AKR1D1: variants seen among roughly 807,000 people sequenced by gnomAD.
The protein encoded by AKR1D1 is delta(4)-3-ketosteroid 5-beta-reductase.
Under a neutral mutation model 42.6 loss-of-function variants are expected in AKR1D1, and 32 were observed. The ratio of observed to expected loss-of-function variants is 0.75; its 90% CI spans 0.57 to 1.01. The LOEUF (loss-of-function observed/expected upper bound fraction) is 1.01. Among genes scored for constraint, AKR1D1 ranks in the 50% least tolerant of loss-of-function variants. AKR1D1 has a pLI of 0.00. For synonymous variants in AKR1D1, 123 were observed against 135.5 expected, an observed-to-expected ratio of 0.91 and a Z score of 0.64; for missense variants, 364 against 402.2, an observed-to-expected ratio of 0.91 and a Z score of 0.81.
intron 4 of AKR1D1, among the ~76,000 whole-genome samples, chr7:138,104,499 A>G (rs369931513): frequency 7.9e-5 from 12 of 152,168 alleles, no homozygotes; most frequent in East Asian, 3.9e-4. Context: ...GGAGTTCGAG[A>G]CCAGCCTAAC....
intron 4 of AKR1D1, among the ~76,000 whole-genome samples, chr7:138,103,330 A>G (rs994180667): frequency 2.4e-4 from 36 of 152,240 alleles, no homozygotes; most frequent in African/African-American, 8.2e-4. Context: ...AAATGAACCC[A>G]TAATACGCTA....
chr7:138,094,085 G>A (rs1421977210), intron 3 of AKR1D1, among the ~76,000 whole-genome samples: 1 of 152,112 alleles, frequency 6.6e-6, no homozygotes, highest in Admixed American at 6.6e-5. Context: ...GGGTTCAAAG[G>A]CACAAAAGGT....
At chr7:138,113,807 G>A (rs747159861) in intron 8 of AKR1D1, 35 bp downstream of exon 8, 2 of 1,569,932 alleles carry the variant, frequency 1.3e-6, no homozygotes, top group East Asian at 2.2e-5. Context: ...GTATTGACCA[G>A]TGGTATTGAA....
intron 1 of AKR1D1, among the ~76,000 whole-genome samples, chr7:138,078,992 A>G (rs1158598212): frequency 6.6e-6 from 1 of 151,492 alleles, no homozygotes; most frequent in East Asian, 1.9e-4. Context: ...CATTCCTTTT[A>G]TTTTATTTAT....
chr7:138,100,088 C>CAAA lies in AKR1D1; in HGVS notation c.456+2173_456+2175dup, dbSNP rs59361346. 3.1e-3 allele frequency among the ~76,000 whole-genome samples: 134 copies of CAAA among 43,568 alleles called. 13 individuals carry two copies. The highest frequency in any genetic ancestry group is 4.2e-3 in the Non-Finnish European group (112 of 26,506). 28.6% of individuals were successfully genotyped at this position (43,568 alleles called of 152,430 possible). On this transcript the variant is annotated intron_variant, in intron 4 of 8. Coordinates refer to ENST00000242375, the MANE Select transcript of AKR1D1 (RefSeq NM_005989.4). ...TGGGCAATATAGCGAGATTTCATCT[C>CAAA]AAAAAAAAAAAAAAAAAAAAAAAAA...
chr7:138,111,117 A>C (rs1468894226), intron 7 of AKR1D1, among the ~76,000 whole-genome samples: 2 of 152,148 alleles, frequency 1.3e-5, no homozygotes, highest in Non-Finnish European at 2.9e-5. Flanking sequence ...TTGCAATAAC[A>C]ACTTCCTAAT....
chr7:138,094,618 C>A (rs991652769), intron 3 of AKR1D1, among the ~76,000 whole-genome samples: 1 of 152,128 alleles, frequency 6.6e-6, no homozygotes, highest in Admixed American at 6.5e-5. Flanking sequence ...TAGGCTCAAG[C>A]AATCCTCCTG....
In AKR1D1 at chr7:138,116,920, C is replaced by G. The variant is rs1006803631; in HGVS notation, c.*258C>G. 2 of 442,462 alleles carry G rather than the reference C, an allele frequency of 4.5e-6. No homozygotes were observed. The highest frequency in any genetic ancestry group is 3.8e-5 in the Admixed American group (1 of 26,366). 27.4% of individuals were successfully genotyped at this position (442,462 alleles called of 1,614,324 possible). A position where few individuals can be genotyped will look rare whatever the true frequency, so the allele number is the denominator to read the frequency against. On this transcript the variant is annotated 3_prime_UTR_variant, in exon 9 of 9. Transcript: ENST00000242375. The stretch of plus-strand genomic sequence containing the variant: ...AGATCAGTATCTTCTAGATTCCAGA[C>G]AGAAAAAAATTACACTTCAGAAAAG...
Position 138,088,640 on chromosome 7 carries a change from A to G in AKR1D1, c.133A>G (p.Ile45Val), listed in dbSNP as rs768056603. Reference protein sequence around the residue: ...GACATSVKVAIDTGYRHIDGA... With the variant: ...GACATSVKVAVDTGYRHIDGA... ...CTGTGCAACATCGGTGAAGGTTGCT[A>G]TTGACACAGGGTACCGACATATTGA... Residue 45 changes from isoleucine (I) to valine (V), a missense_variant, in exon 2 of 9, where the codon ATT (isoleucine) becomes GTT (valine). Coordinates refer to ENST00000242375, the MANE Select transcript of AKR1D1 (RefSeq NM_005989.4). The G allele has an allele frequency of 4.3e-6, 7 of 1,614,090 alleles. No homozygotes were observed. In the African/African-American group the frequency reaches 9.3e-5, roughly 22 times the overall value.
intron 8 of AKR1D1, among the ~76,000 whole-genome samples, chr7:138,114,513 A>C (rs895437966): frequency 1.3e-5 from 2 of 151,822 alleles, no homozygotes; most frequent in African/African-American, 4.9e-5. Context: ...TACAAAAATT[A>C]GCTGGGTGTA....
chr7:138,093,206 C>T (rs1448852704), intron 3 of AKR1D1, among the ~76,000 whole-genome samples: 1 of 151,792 alleles, frequency 6.6e-6, no homozygotes, highest in Non-Finnish European at 1.5e-5. Context: ...GTAGCCGGGA[C>T]TACAGGCAAG....
chr7:138,079,571 C>T (rs1160132615), intron 1 of AKR1D1, among the ~76,000 whole-genome samples: 1 of 152,166 alleles, frequency 6.6e-6, no homozygotes, highest in East Asian at 1.9e-4. Context: ...CAGTTGTTGG[C>T]CAGTCTTCTA....
chr7:138,080,061 A>T (rs12668157), intron 1 of AKR1D1, among the ~76,000 whole-genome samples: 23,100 of 152,194 alleles, frequency 0.15, 1,834 homozygotes, highest in East Asian at 0.2. Flanking sequence ...AAGCTGGTGT[A>T]TTCATGTCAC....
At chr7:138,085,399 T>C (rs1165409733) in intron 1 of AKR1D1, among the ~76,000 whole-genome samples, 1 of 151,558 alleles carries the variant, frequency 6.6e-6, no homozygotes, top group Non-Finnish European at 1.5e-5. Flanking sequence ...ACTACACTCC[T>C]ACCTTAGCCC....
intron 3 of AKR1D1, among the ~76,000 whole-genome samples, chr7:138,093,660 T>TA (rs1199830171): frequency 6.6e-6 from 1 of 152,068 alleles, no homozygotes; most frequent in Non-Finnish European, 1.5e-5. Context: ...GGCGTTTTTT[T>TA]ACACTTAACA....
chr7:138,087,361 G>C (rs913232192), intron 1 of AKR1D1, among the ~76,000 whole-genome samples: 23 of 152,228 alleles, frequency 1.5e-4, no homozygotes, highest in South Asian at 1.0e-3. Context: ...TTTTGGAGGG[G>C]ACAAAAATAA....
At chr7:138,093,154 C>T (rs553478089) in intron 3 of AKR1D1, among the ~76,000 whole-genome samples, 3 of 151,058 alleles carry the variant, frequency 2.0e-5, no homozygotes, top group South Asian at 2.1e-4. Flanking sequence ...CTGCAACTTC[C>T]GCCTCCCGGG....
chr7:138,078,410 T>A (rs890537725), intron 1 of AKR1D1, among the ~76,000 whole-genome samples: 2 of 152,200 alleles, frequency 1.3e-5, no homozygotes, highest in African/African-American at 2.4e-5. Context: ...AAACTACCCA[T>A]AGCAAGAGTA....
At chr7:138,092,012 C>T in intron 3 of AKR1D1, 128 bp downstream of exon 3, 1 of 620,490 alleles carries the variant, frequency 1.6e-6, no homozygotes, top group Non-Finnish European at 2.9e-6. Flanking sequence ...GAGCCAATAG[C>T]TATGTGCATG....
Sources: gnomAD v4.1 joint callset for allele counts (sites outside exome capture counted in the v4.1 genomes callset) on GRCh38, gnomAD v4.1.1 for gene constraint, MANE v1.5 for transcripts, NCBI Gene and HGNC (gene_info 2026-07-23, HGNC 2026-07-21) for gene names.